The following POLR3B variants were observed in gnomAD, a reference collection of about 807,000 sequenced individuals.
POLR3B encodes the protein DNA-directed RNA polymerase III subunit RPC2.
In POLR3B, 96 loss-of-function variants were observed where a neutral mutation model predicts 147.4. That is an observed-to-expected ratio of 0.65 (90% CI 0.55 to 0.77). POLR3B has a LOEUF of 0.77. POLR3B is among the 30% of genes least tolerant of loss of function. The probability of loss-of-function intolerance (pLI) is 0.00; values close to 1 mark genes in which losing one functional copy is unlikely to be tolerated. For synonymous variants in POLR3B, 461 were observed against 485.9 expected (o/e 0.95, Z 0.67); for missense variants, 1,036 against 1,413.5 (o/e 0.73, Z 4.28).
chr12:106,469,404 A>G (rs970242886), intron 23 of POLR3B, among the ~76,000 whole-genome samples: 9 of 151,702 alleles, frequency 5.9e-5, no homozygotes, highest in African/African-American at 1.2e-4. Context: ...TCTTTATCCA[A>G]TTTGCCAGTC....
At position 106,389,269 on chromosome 12, in the gene POLR3B, C is replaced by G. The variant is rs181068042; in HGVS notation, c.724-3762C>G. ...ATGATAACTTGACTGAGTTATCGCC[C>G]CTGTATTTAGTGACTTGATATAGGA... On this transcript the variant is annotated intron_variant, in intron 9 of 27. Coordinates refer to ENST00000228347, the MANE Select transcript of POLR3B (RefSeq NM_018082.6). 3.0e-3 allele frequency among the ~76,000 whole-genome samples: 457 copies of G among 152,206 alleles called. 1 individual carries two copies. The highest frequency in any genetic ancestry group is 9.4e-3 in the African/African-American group (391 of 41,526).
chr12:106,374,586 C>G (rs933334786), intron 6 of POLR3B, among the ~76,000 whole-genome samples: 3 of 151,238 alleles, frequency 2.0e-5, no homozygotes, highest in African/African-American at 7.3e-5. Flanking sequence ...GTGATCTTGG[C>G]TCACTGCAAC....
At chr12:106,370,163 G>A (rs2036584702) in intron 6 of POLR3B, among the ~76,000 whole-genome samples, 1 of 152,154 alleles carries the variant, frequency 6.6e-6, no homozygotes, top group Non-Finnish European at 1.5e-5. Flanking sequence ...CTTTAGAAAT[G>A]GACAAAACCC....
At chr12:106,478,352 G>A (rs1229609978) in intron 23 of POLR3B, among the ~76,000 whole-genome samples, 1 of 152,158 alleles carries the variant, frequency 6.6e-6, no homozygotes, top group Non-Finnish European at 1.5e-5. Context: ...TCATTAACAG[G>A]CATGGTTTCT....
intron 9 of POLR3B, among the ~76,000 whole-genome samples, chr12:106,392,314 C>T (rs1473910317): frequency 2.0e-5 from 3 of 152,162 alleles, no homozygotes; most frequent in Non-Finnish European, 4.4e-5. Flanking sequence ...AGGCACATGC[C>T]AACACATCTG....
intron 10 of POLR3B, among the ~76,000 whole-genome samples, chr12:106,395,733 C>A (rs1461737495): frequency 6.6e-6 from 1 of 152,060 alleles, no homozygotes; most frequent in African/African-American, 2.4e-5. Flanking sequence ...AATCCAGAGG[C>A]CGAGGTGGGT....
At chr12:106,435,541 A>G (rs968907130) in intron 16 of POLR3B, among the ~76,000 whole-genome samples, 6 of 152,000 alleles carry the variant, frequency 3.9e-5, no homozygotes, top group Non-Finnish European at 7.4e-5. Context: ...TTAGCTGATG[A>G]TATACCTGTG....
At chr12:106,417,514 C>T (rs2037320273) in intron 12 of POLR3B, among the ~76,000 whole-genome samples, 3 of 152,122 alleles carry the variant, frequency 2.0e-5, no homozygotes, top group East Asian at 1.9e-4. Flanking sequence ...GATGAACAGG[C>T]GAAGAGTGGA....
intron 4 of POLR3B, 26 bp downstream of exon 4, chr12:106,366,748 C>T (rs2036541692): frequency 6.6e-7 from 1 of 1,522,586 alleles, no homozygotes; most frequent in Non-Finnish European, 9.1e-7. Flanking sequence ...TCTTAATTTG[C>T]TATGTGGGTT....
chr12:106,417,934 A>G (rs1195281352), intron 12 of POLR3B, among the ~76,000 whole-genome samples: 2 of 152,232 alleles, frequency 1.3e-5, no homozygotes, highest in African/African-American at 4.8e-5. Flanking sequence ...GAGGGTTCCC[A>G]TGTGCAAGAA....
chr12:106,421,163 A>G (rs1042081665), intron 12 of POLR3B, among the ~76,000 whole-genome samples: 2 of 152,072 alleles, frequency 1.3e-5, no homozygotes, highest in African/African-American at 2.4e-5. Flanking sequence ...GTGATACAGT[A>G]TGATGAATAC....
intron 13 of POLR3B, among the ~76,000 whole-genome samples, chr12:106,429,561 A>G (rs2037481469): frequency 6.6e-6 from 1 of 152,138 alleles, no homozygotes; most frequent in African/African-American, 2.4e-5. Flanking sequence ...TACAATTAAT[A>G]CAATTATAAA....
At chr12:106,489,898 G>A (rs56113545) in intron 23 of POLR3B, among the ~76,000 whole-genome samples, 8,985 of 152,158 alleles carry the variant, frequency 0.059, 362 homozygotes, top group East Asian at 0.14. Context: ...AGTGGGAGGG[G>A]AGAAGGAGGC....
At chr12:106,403,567 CCAA>C (rs1203478573) in intron 10 of POLR3B, among the ~76,000 whole-genome samples, 11 of 152,020 alleles carry the variant, frequency 7.2e-5, no homozygotes, top group Non-Finnish European at 1.2e-4. Flanking sequence ...ACCCAAATGT[CCAA>C]CAACAATAGA....
rs1041429627 is a variant in POLR3B at position 106,357,803 on chromosome 12, G to A, written c.-77G>A. 3.5e-6 allele frequency: 5 copies of A among 1,408,796 alleles called. No homozygotes were observed. Among genetic ancestry groups the A allele is most frequent in the East Asian group, 4.7e-5 (2 of 42,186 alleles). 87.3% of individuals were successfully genotyped at this position (1,408,796 alleles called of 1,614,324 possible). Reference sequence around the variant, plus strand: ...TTTAGGCCTCCGCGCACCGTTCGCCGGGAGTCTTGCAGTTTGCTTGGTGCA... The same window carrying A: ...TTTAGGCCTCCGCGCACCGTTCGCCAGGAGTCTTGCAGTTTGCTTGGTGCA... On this transcript the variant is annotated 5_prime_UTR_variant, in exon 1 of 28. Transcript: ENST00000228347.
At chr12:106,443,114 G>GTT (rs1024887665) in intron 18 of POLR3B, among the ~76,000 whole-genome samples, 3 of 152,044 alleles carry the variant, frequency 2.0e-5, no homozygotes, top group Admixed American at 2.0e-4. Context: ...TTGAATAATA[G>GTT]TTTTATTTGT....
intron 19 of POLR3B, among the ~76,000 whole-genome samples, chr12:106,446,942 C>A (rs2037733051): frequency 1.3e-5 from 2 of 152,108 alleles, no homozygotes; most frequent in South Asian, 4.2e-4. Flanking sequence ...GGGAGAAAAC[C>A]CACAGCAGAT....
chr12:106,373,677 C>T (rs1204525773), intron 6 of POLR3B, among the ~76,000 whole-genome samples: 1 of 151,908 alleles, frequency 6.6e-6, no homozygotes, highest in Non-Finnish European at 1.5e-5. Context: ...TTGCTTGAAC[C>T]CGGAAGGCGG....
intron 19 of POLR3B, among the ~76,000 whole-genome samples, chr12:106,453,685 C>G (rs1279393175): frequency 6.6e-6 from 1 of 152,136 alleles, no homozygotes; most frequent in Admixed American, 6.5e-5. Flanking sequence ...GACTGAAAGA[C>G]TCATCTTCAG....
Sources: gnomAD v4.1 joint callset for allele counts (sites outside exome capture counted in the v4.1 genomes callset) on GRCh38, gnomAD v4.1.1 for gene constraint, MANE v1.5 for transcripts, NCBI Gene and HGNC (gene_info 2026-07-23, HGNC 2026-07-21) for gene names.